CAMSAP2: variants seen among roughly 807,000 people sequenced by gnomAD.
CAMSAP2 encodes the protein calmodulin regulated spectrin associated protein family member 2, also known as calmodulin-regulated spectrin-associated protein 2.
Under a neutral mutation model 146.1 loss-of-function variants are expected in CAMSAP2, and 26 were observed. The ratio of observed to expected loss-of-function variants is 0.18; its 90% CI spans 0.13 to 0.25. The LOEUF (loss-of-function observed/expected upper bound fraction) is 0.25. Among genes scored for constraint, CAMSAP2 ranks in the 10% least tolerant of loss-of-function variants. CAMSAP2 has a pLI of 1.00. For missense variants in CAMSAP2, 1,381 were observed against 1,759.3 expected (o/e 0.78, Z 3.85); for synonymous variants, 499 against 596.6 (o/e 0.84, Z 2.38).
At chr1:200,826,518 C>T (rs1185215674) in intron 4 of CAMSAP2, among the ~76,000 whole-genome samples, 1 of 152,004 alleles carries the variant, frequency 6.6e-6, no homozygotes. Flanking sequence ...AGGACCCCAA[C>T]TCTTTGAGGT....
At position 200,850,211 on chromosome 1, in the gene CAMSAP2, G is replaced by A. The variant is rs1381759529; in HGVS notation, c.3442G>A (p.Val1148Ile). Reference protein sequence around the residue: ...DKEQFDDDQKVCCGFFFKDDQ... With the variant: ...DKEQFDDDQKICCGFFFKDDQ... Reference sequence around the variant, plus strand: ...AGAACAATTTGATGATGACCAGAAAGTATGCTGTGGATTCTTTTTTAAGGT... The same window carrying A: ...AGAACAATTTGATGATGACCAGAAAATATGCTGTGGATTCTTTTTTAAGGT... The change falls in exon 11 of 17, where the codon GTA becomes ATA. Residue 1148 changes from valine (V) to isoleucine (I), a missense_variant. Around this residue, in one of 4 missense-constraint regions of CAMSAP2, gnomAD observed 560 missense variants for 715.9 expected, o/e 0.78. Coordinates refer to ENST00000358823, the MANE Select transcript of CAMSAP2 (RefSeq NM_203459.4). 6.3e-7 allele frequency: 1 copy of A among 1,588,744 alleles called. No individual in the cohort carries two copies. The highest frequency in any genetic ancestry group is 1.4e-5 in the African/African-American group (1 of 73,512).
chr1:200,782,568 C>CT (rs1472395786), intron 2 of CAMSAP2, among the ~76,000 whole-genome samples: 1 of 151,966 alleles, frequency 6.6e-6, no homozygotes, highest in Non-Finnish European at 1.5e-5. Flanking sequence ...TGCACGAACT[C>CT]TTTTTTTACT....
intron 6 of CAMSAP2, among the ~76,000 whole-genome samples, chr1:200,839,926 G>A (rs1558203229): frequency 6.6e-6 from 1 of 152,136 alleles, no homozygotes; most frequent in Non-Finnish European, 1.5e-5. Flanking sequence ...TAGCCTTTAC[G>A]GATTATAAGC....
intron 1 of CAMSAP2, among the ~76,000 whole-genome samples, chr1:200,750,988 C>T (rs59324679): frequency 8.5e-4 from 124 of 145,572 alleles, no homozygotes; most frequent in African/African-American, 3.1e-3. Flanking sequence ...CTGCAATCTC[C>T]AACTCCCGGG....
chr1:200,832,068 A>G lies in CAMSAP2; in HGVS notation c.646-132A>G. On this transcript the variant is annotated intron_variant, in intron 4 of 16. Transcript: ENST00000358823. This position sits in a 1 kb window ranked among gnomAD's most constrained non-coding sequence, Gnocchi z 4.2. ...AATACCTAGCGTTATTTAGAAAAAAAGAAATATTGGTGAGTGGTCTCATTT... is the reference window on the plus strand; with the variant it reads ...AATACCTAGCGTTATTTAGAAAAAAGGAAATATTGGTGAGTGGTCTCATTT... 1.3e-5 allele frequency: 9 copies of G among 713,540 alleles called. No homozygotes were observed. In the South Asian group the frequency reaches 2.0e-4, roughly 16 times the overall value. The allele number at this position is 713,540 out of a possible 1,614,324, so 44.2% of individuals were successfully genotyped here.
chr1:200,812,902 A>G (rs984912765), intron 3 of CAMSAP2, among the ~76,000 whole-genome samples: 6 of 152,056 alleles, frequency 3.9e-5, no homozygotes, highest in African/African-American at 7.3e-5. Context: ...TATTTTTCCT[A>G]CCACAGGGCT....
intron 7 of CAMSAP2, among the ~76,000 whole-genome samples, chr1:200,843,126 G>A (rs182494076): frequency 9.2e-4 from 140 of 152,060 alleles, no homozygotes; most frequent in Admixed American, 1.8e-3. Flanking sequence ...CCTACCCAAC[G>A]CAACACATGA....
intron 2 of CAMSAP2, among the ~76,000 whole-genome samples, chr1:200,789,994 C>T (rs1170626780): frequency 6.6e-6 from 1 of 152,094 alleles, no homozygotes; most frequent in Non-Finnish European, 1.5e-5. Context: ...GTATGTTAAC[C>T]TTGTATCCTG....
chr1:200,825,078 G>A (rs1431654718), intron 4 of CAMSAP2, among the ~76,000 whole-genome samples: 1 of 152,150 alleles, frequency 6.6e-6, no homozygotes, highest in South Asian at 2.1e-4. Context: ...TCAAAGTACA[G>A]TGTTCTTAAG....
intron 1 of CAMSAP2, among the ~76,000 whole-genome samples, chr1:200,756,345 C>T (rs1025013118): frequency 6.6e-6 from 1 of 151,786 alleles, no homozygotes; most frequent in African/African-American, 2.4e-5. Context: ...CCCAGCTACT[C>T]GGAAGGCTGA....
chr1:200,855,620 G>A (rs542014997), intron 14 of CAMSAP2, among the ~76,000 whole-genome samples: 64 of 151,004 alleles, frequency 4.2e-4, no homozygotes, highest in African/African-American at 1.5e-3. Flanking sequence ...TTTTTGAGAC[G>A]GAGTCTTTCT....
chr1:200,816,683 T>G (rs1558190608), intron 4 of CAMSAP2, among the ~76,000 whole-genome samples: 1 of 143,762 alleles, frequency 7.0e-6, no homozygotes, highest in Middle Eastern at 3.6e-3. Context: ...TATGTGTGTA[T>G]ATGTACATGC....
chr1:200,812,913 T>G (rs2102158593), intron 3 of CAMSAP2, among the ~76,000 whole-genome samples: 1 of 152,310 alleles, frequency 6.6e-6, no homozygotes, highest in Non-Finnish European at 1.5e-5. Flanking sequence ...CCACAGGGCT[T>G]TTGCTTATGT....
intron 3 of CAMSAP2, among the ~76,000 whole-genome samples, chr1:200,813,995 C>T (rs1352104936): frequency 1.3e-5 from 2 of 150,716 alleles, no homozygotes; most frequent in Non-Finnish European, 2.9e-5. Flanking sequence ...GTGGTCCCAG[C>T]TATTCGAGAG....
At chr1:200,743,416 A>G (rs1432144895) in intron 1 of CAMSAP2, among the ~76,000 whole-genome samples, 2 of 152,174 alleles carry the variant, frequency 1.3e-5, no homozygotes, top group African/African-American at 4.8e-5. Flanking sequence ...AAAGTCCTGT[A>G]TAAGGTCTGA....
At position 200,787,016 on chromosome 1, in the gene CAMSAP2, G is replaced by GA. The variant is rs201620125; in HGVS notation, c.400-20346dup. The stretch of plus-strand genomic sequence containing the variant: ...TTAAGCCCTTATTGAGACCTGCTCA[G>GA]AAAAAAAAAAAAAAGATTCCTTTCA... On this transcript the variant is annotated intron_variant, in intron 2 of 16. Transcript: ENST00000358823. Among the ~76,000 whole-genome samples, 1,032 of 133,684 alleles carry GA rather than the reference G, an allele frequency of 7.7e-3. 8 individuals are homozygous for GA. The highest frequency in any genetic ancestry group is 0.016 in the East Asian group (73 of 4,642). 87.7% of individuals were successfully genotyped at this position (133,684 alleles called of 152,430 possible).
At chr1:200,768,835 G>T (rs766164260) in intron 2 of CAMSAP2, among the ~76,000 whole-genome samples, 1 of 152,058 alleles carries the variant, frequency 6.6e-6, no homozygotes, top group Non-Finnish European at 1.5e-5. Flanking sequence ...TGTATTTTTA[G>T]TAGAGACAGG....
At chr1:200,854,755 G>T in intron 13 of CAMSAP2, 62 bp from the exon 14 acceptor site, 1 of 1,245,266 alleles carries the variant, frequency 8.0e-7, no homozygotes, top group Admixed American at 2.0e-5. Context: ...TTTGCTAGTT[G>T]CTCCTTTTAA....
At chr1:200,755,732 C>T (rs2102996533) in intron 1 of CAMSAP2, among the ~76,000 whole-genome samples, 3 of 152,300 alleles carry the variant, frequency 2.0e-5, no homozygotes, top group Admixed American at 2.0e-4. Context: ...GACGCAGTTC[C>T]AGGTACTAGT....
Sources: gnomAD v4.1 joint callset for allele counts (sites outside exome capture counted in the v4.1 genomes callset) on GRCh38, gnomAD v4.1.1 for gene constraint, gnomAD v4.1.1 regional missense constraint, Gnocchi (gnomAD v3.1) non-coding constraint, MANE v1.5 for transcripts, NCBI Gene and HGNC (gene_info 2026-07-23, HGNC 2026-07-21) for gene names.